The following SNTG1 variants were observed in gnomAD, a reference collection of about 807,000 sequenced individuals.
SNTG1 encodes syntrophin gamma 1.
Under a neutral mutation model 74.7 loss-of-function variants are expected in SNTG1, and 39 were observed. The ratio of observed to expected loss-of-function variants is 0.52; its 90% CI spans 0.40 to 0.68. The LOEUF (loss-of-function observed/expected upper bound fraction) is 0.68, where lower values mean the gene tolerates loss of function less well. SNTG1 is among the 30% of genes least tolerant of loss of function. SNTG1 has a pLI of 0.00. For synonymous variants in SNTG1, 254 were observed against 217.1 expected, an observed-to-expected ratio of 1.17 and a Z score of -1.49; for missense variants, 685 against 609.5, an observed-to-expected ratio of 1.12 and a Z score of -1.30.
At chr8:50,112,515 C>CTTTTT (rs34942560) in intron 1 of SNTG1, among the ~76,000 whole-genome samples, 3,543 of 77,002 alleles carry the variant, frequency 0.046, 13 homozygotes, top group Non-Finnish European at 0.053. Flanking sequence ...TTAGTTCTTT[C>CTTTTT]TTTTTTTTTT....
chr8:50,518,274 A>G (rs2094150697), intron 9 of SNTG1, among the ~76,000 whole-genome samples: 1 of 152,230 alleles, frequency 6.6e-6, no homozygotes, highest in Non-Finnish European at 1.5e-5. Flanking sequence ...CAAAGACACA[A>G]TGTACCAGAA....
In SNTG1 at chr8:49,990,554, A is replaced by C. The variant is rs1039442366; in HGVS notation, c.-103+78323A>C. ...TGTATTACAAAACTACATAAAATACATAATGTATTACAAAACTACAAAAAT... is the reference window on the plus strand; with the variant it reads ...TGTATTACAAAACTACATAAAATACCTAATGTATTACAAAACTACAAAAAT... On this transcript the variant is annotated intron_variant, in intron 1 of 18. Transcript: ENST00000642720. Among the ~76,000 whole-genome samples, 9 of 152,274 alleles carry C rather than the reference A, an allele frequency of 5.9e-5. 1 individual carries two copies. Among genetic ancestry groups the C allele is most frequent in the Admixed American group, 5.2e-4 (8 of 15,304 alleles).
intron 13 of SNTG1, among the ~76,000 whole-genome samples, chr8:50,622,597 TATATTTTACCAATGACATTTCC>T (rs1245361863): frequency 6.6e-6 from 1 of 152,156 alleles, no homozygotes; most frequent in Non-Finnish European, 1.5e-5. Context: ...CATTTAAAAT[TATATTTTACCAATGACATTTCC>T]ATATTTCTGT....
intron 1 of SNTG1, among the ~76,000 whole-genome samples, chr8:49,996,488 A>T (rs1312591717): frequency 6.6e-6 from 1 of 152,068 alleles, no homozygotes; most frequent in African/African-American, 2.4e-5. Flanking sequence ...CAAAAGCCTC[A>T]TACTGCATCT....
chr8:50,048,830 C>A (rs965416219), intron 1 of SNTG1, among the ~76,000 whole-genome samples: 1 of 151,988 alleles, frequency 6.6e-6, no homozygotes, highest in Admixed American at 6.6e-5. Flanking sequence ...TGAATAATGG[C>A]AGTTGCCAAG....
At chr8:50,327,353 C>T (rs966558722) in intron 2 of SNTG1, among the ~76,000 whole-genome samples, 1 of 152,140 alleles carries the variant, frequency 6.6e-6, no homozygotes, top group African/African-American at 2.4e-5. Context: ...TGCTGTTAGA[C>T]ACATACACAC....
At chr8:50,291,788 C>CATGAATA (rs1396553719) in intron 2 of SNTG1, among the ~76,000 whole-genome samples, 1 of 152,000 alleles carries the variant, frequency 6.6e-6, no homozygotes, top group Non-Finnish European at 1.5e-5. Flanking sequence ...TGTCCTAGAC[C>CATGAATA]AAGGTGTCAT....
intron 1 of SNTG1, among the ~76,000 whole-genome samples, chr8:50,003,662 A>AT (rs1278168801): frequency 3.3e-5 from 5 of 152,082 alleles, no homozygotes; most frequent in Admixed American, 1.3e-4. Flanking sequence ...GAAGATAGAC[A>AT]TTTTTTCTGT....
intron 1 of SNTG1, among the ~76,000 whole-genome samples, chr8:49,967,331 G>A (rs978699795): frequency 2.0e-5 from 3 of 151,868 alleles, no homozygotes; most frequent in African/African-American, 7.3e-5. Context: ...TTCTCAGGAT[G>A]GTGTTTTGTC....
intron 13 of SNTG1, among the ~76,000 whole-genome samples, chr8:50,642,557 C>T (rs554195217): frequency 6.6e-6 from 1 of 152,098 alleles, no homozygotes; most frequent in Non-Finnish European, 1.5e-5. Flanking sequence ...CTCATCATCC[C>T]CAAGATCGTC....
intron 10 of SNTG1, among the ~76,000 whole-genome samples, chr8:50,532,519 T>G (rs534298400): frequency 6.6e-6 from 1 of 152,322 alleles, no homozygotes; most frequent in East Asian, 1.9e-4. Context: ...GACTAAAAAT[T>G]CAACGTAAGT....
chr8:50,748,777 G>A (rs1260651754), intron 17 of SNTG1, among the ~76,000 whole-genome samples: 2 of 151,932 alleles, frequency 1.3e-5, no homozygotes, highest in African/African-American at 2.4e-5. Context: ...TTATTTTGGA[G>A]CACCATGAAC....
chr8:50,000,685 C>T (rs1283725949), intron 1 of SNTG1, among the ~76,000 whole-genome samples: 1 of 152,156 alleles, frequency 6.6e-6, no homozygotes, highest in Non-Finnish European at 1.5e-5. Flanking sequence ...TCTCGTGCCC[C>T]TAAATGTCAC....
At chr8:50,342,150 T>C (rs1420022117) in intron 2 of SNTG1, among the ~76,000 whole-genome samples, 1 of 152,090 alleles carries the variant, frequency 6.6e-6, no homozygotes, top group Non-Finnish European at 1.5e-5. Context: ...TAGACCTGTA[T>C]AAAAGGCAAT....
chr8:50,087,816 A>T (rs1679632230), intron 1 of SNTG1, among the ~76,000 whole-genome samples: 2 of 151,686 alleles, frequency 1.3e-5, no homozygotes, highest in African/African-American at 4.8e-5. Flanking sequence ...GTTTTAGGGT[A>T]CATGTGCACA....
At chr8:49,961,647 A>G (rs1218753260) in intron 1 of SNTG1, among the ~76,000 whole-genome samples, 1 of 152,236 alleles carries the variant, frequency 6.6e-6, no homozygotes, top group Non-Finnish European at 1.5e-5. Context: ...TCTACTATAC[A>G]TTATTGCACG....
intron 1 of SNTG1, among the ~76,000 whole-genome samples, chr8:49,926,853 C>T (rs186305501): frequency 6.6e-6 from 1 of 152,194 alleles, no homozygotes; most frequent in East Asian, 1.9e-4. Context: ...TAATAAAAGA[C>T]TGTTATTTAA....
intron 2 of SNTG1, among the ~76,000 whole-genome samples, chr8:50,301,755 A>G (rs910517096): frequency 6.6e-6 from 1 of 151,866 alleles, no homozygotes; most frequent in African/African-American, 2.4e-5. Flanking sequence ...TCATTTTTAC[A>G]TAATTTGTCT....
chr8:50,328,954 GGT>G (rs1190000599), intron 2 of SNTG1, among the ~76,000 whole-genome samples: 3 of 152,150 alleles, frequency 2.0e-5, no homozygotes, highest in African/African-American at 7.2e-5. Context: ...ACACAATGTG[GGT>G]GTAAGCATTG....
Sources: allele counts gnomAD v4.1 joint callset (sites outside exome capture counted in the v4.1 genomes callset), GRCh38; gene constraint gnomAD v4.1.1; transcripts MANE v1.5; gene names NCBI Gene and HGNC (gene_info 2026-07-23, HGNC 2026-07-21).